The following CCDC171 variants were observed in gnomAD, a reference collection of about 807,000 sequenced individuals.
CCDC171 encodes coiled-coil domain containing 171.
A neutral mutation model predicts 168.2 loss-of-function variants in CCDC171; 177 were observed. That is an observed-to-expected ratio of 1.05 (90% CI 0.93 to 1.19). The LOEUF (loss-of-function observed/expected upper bound fraction) is 1.19, where lower values mean the gene tolerates loss of function less well. Among genes scored for constraint, CCDC171 ranks in the 50% most tolerant of loss-of-function variants. The probability of loss-of-function intolerance (pLI) is 0.00; values close to 1 mark genes in which losing one functional copy is unlikely to be tolerated. For missense variants in CCDC171, 1,991 were observed against 1,539.0 expected, an observed-to-expected ratio of 1.29 and a Z score of -4.91; for synonymous variants, 687 against 540.8, an observed-to-expected ratio of 1.27 and a Z score of -3.75.
At chr9:15,682,228 C>T (rs2050087622) in intron 10 of CCDC171, among the ~76,000 whole-genome samples, 1 of 152,026 alleles carries the variant, frequency 6.6e-6, no homozygotes, top group Admixed American at 6.5e-5. Context: ...ACAGCATAGC[C>T]TTATGCTGTA....
At chr9:15,990,863 CAAG>C (rs1223364534) in intron 3 of CCDC171, among the ~76,000 whole-genome samples, 1 of 152,180 alleles carries the variant, frequency 6.6e-6, no homozygotes, top group Non-Finnish European at 1.5e-5. Context: ...ATCAATTCAA[CAAG>C]AAGAGCTAGG....
At chr9:15,954,082 A>T (rs538598634) in intron 25 of CCDC171, among the ~76,000 whole-genome samples, 28 of 150,326 alleles carry the variant, frequency 1.9e-4, no homozygotes, top group Non-Finnish European at 3.7e-4. Flanking sequence ...TCTAGCTAAA[A>T]GTTTGTCAAT....
At chr9:15,865,105 A>G (rs988289486) in intron 23 of CCDC171, among the ~76,000 whole-genome samples, 1 of 152,082 alleles carries the variant, frequency 6.6e-6, no homozygotes, top group Non-Finnish European at 1.5e-5. Flanking sequence ...CCTTGTGTCT[A>G]TAAATCCTTT....
At chr9:15,841,039 A>T (rs1200850603) in intron 21 of CCDC171, among the ~76,000 whole-genome samples, 1 of 152,036 alleles carries the variant, frequency 6.6e-6, no homozygotes, top group Non-Finnish European at 1.5e-5. Context: ...AAAGGCATAT[A>T]TGAGAATATG....
intron 6 of CCDC171, among the ~76,000 whole-genome samples, chr9:15,622,850 G>A (rs1388481380): frequency 2.6e-5 from 4 of 152,150 alleles, no homozygotes; most frequent in African/African-American, 9.7e-5. Context: ...GTGAGCTCAT[G>A]TAAGCATTAT....
chr9:16,092,508 C>T, the CCDC171 span, among the ~76,000 whole-genome samples: 28,661 of 152,114 alleles, frequency 0.19, 2,855 homozygotes, highest in African/African-American at 0.2. Context: ...CCACTGCTCC[C>T]CACCCCGCCG....
chr9:16,006,673 C>G (rs1298096772), intron 3 of CCDC171, among the ~76,000 whole-genome samples: 1 of 151,506 alleles, frequency 6.6e-6, no homozygotes, highest in South Asian at 2.1e-4. Context: ...TGAGTGAGAA[C>G]ATGCAGTGTT....
intron 2 of CCDC171, among the ~76,000 whole-genome samples, chr9:15,564,493 T>C (rs1165816112): frequency 6.6e-6 from 1 of 152,266 alleles, no homozygotes; most frequent in Admixed American, 6.5e-5. Context: ...CTTTCTTCAT[T>C]GGCCCAGCTC....
chr9:15,798,515 G>T (rs545772026), intron 21 of CCDC171, among the ~76,000 whole-genome samples: 1 of 152,144 alleles, frequency 6.6e-6, no homozygotes, highest in East Asian at 1.9e-4. Context: ...TACCGTGGTG[G>T]TTTGCTGTAC....
chr9:16,000,485 T>C (rs555083136), intron 3 of CCDC171, among the ~76,000 whole-genome samples: 1 of 152,166 alleles, frequency 6.6e-6, no homozygotes, highest in East Asian at 1.9e-4. Context: ...TTTAACACTT[T>C]CCATTTTCTA....
chr9:15,947,655 G>A lies in CCDC171; in HGVS notation c.3754-23954G>A, dbSNP rs118166620. Among the ~76,000 whole-genome samples, 645 of 152,010 alleles carry A rather than the reference G, an allele frequency of 4.2e-3. 4 individuals are homozygous for A. Among genetic ancestry groups the A allele is most frequent in the Non-Finnish European group, 6.9e-3 (469 of 67,966 alleles). The stretch of plus-strand genomic sequence containing the variant: ...CCTTGTTTTAGCAATTGTGAATAAT[G>A]TTCCTACGAATGTGGGTATACAAAT... On this transcript the variant is annotated intron_variant, in intron 25 of 25. Coordinates refer to ENST00000380701, the MANE Select transcript of CCDC171 (RefSeq NM_173550.4).
At chr9:16,107,805 G>A in the CCDC171 span, among the ~76,000 whole-genome samples, 1 of 152,090 alleles carries the variant, frequency 6.6e-6, no homozygotes, top group Admixed American at 6.6e-5. Context: ...AAGGTCAGGA[G>A]CCTATGTCTT....
chr9:15,626,942 G>T (rs571656716), intron 7 of CCDC171, among the ~76,000 whole-genome samples: 1 of 151,940 alleles, frequency 6.6e-6, no homozygotes, highest in Non-Finnish European at 1.5e-5. Context: ...AATCCATCTG[G>T]TCCTGGACAT....
At chr9:15,841,275 G>A (rs1220242854) in intron 21 of CCDC171, among the ~76,000 whole-genome samples, 1 of 151,952 alleles carries the variant, frequency 6.6e-6, no homozygotes, top group African/African-American at 2.4e-5. Flanking sequence ...GTATATATAA[G>A]TAAATAAATG....
chr9:15,732,900 A>T (rs778439202), intron 16 of CCDC171, among the ~76,000 whole-genome samples: 2 of 152,128 alleles, frequency 1.3e-5, no homozygotes, highest in Non-Finnish European at 2.9e-5. Context: ...TTTCCAAGTG[A>T]CTATATCATT....
At chr9:15,574,353 C>G (rs1338845340) in intron 3 of CCDC171, among the ~76,000 whole-genome samples, 2 of 151,890 alleles carry the variant, frequency 1.3e-5, no homozygotes, top group Non-Finnish European at 2.9e-5. Context: ...CCATCTTGGC[C>G]AGGCTGGTCT....
chr9:15,865,637 T>C (rs2061746348), intron 23 of CCDC171, among the ~76,000 whole-genome samples: 1 of 152,048 alleles, frequency 6.6e-6, no homozygotes, highest in Non-Finnish European at 1.5e-5. Flanking sequence ...TTAATAACAT[T>C]TTCTTTTTTC....
intron 3 of CCDC171, among the ~76,000 whole-genome samples, chr9:15,997,034 C>G (rs1182483115): frequency 1.3e-5 from 2 of 152,066 alleles, no homozygotes; most frequent in Non-Finnish European, 2.9e-5. Context: ...GACACTAAAA[C>G]AGAGTTAGGA....
intron 24 of CCDC171, among the ~76,000 whole-genome samples, chr9:15,901,181 A>G (rs545343120): frequency 6.6e-5 from 10 of 152,208 alleles, no homozygotes; most frequent in African/African-American, 9.7e-5. Context: ...AGTGGTTGCC[A>G]GGAGTTAGAG....
Sources: allele counts gnomAD v4.1 joint callset (sites outside exome capture counted in the v4.1 genomes callset), GRCh38; gene constraint gnomAD v4.1.1; transcripts MANE v1.5; gene names NCBI Gene and HGNC (gene_info 2026-07-23, HGNC 2026-07-21).